RPRD2: variants seen among roughly 807,000 people sequenced by gnomAD.
The protein encoded by RPRD2 is regulation of nuclear pre-mRNA domain containing 2.
In RPRD2, 12 loss-of-function variants were observed where a neutral mutation model predicts 104.4. That is an observed-to-expected ratio of 0.11 (90% CI 0.07 to 0.19). RPRD2 has a LOEUF of 0.19. Ranked by LOEUF, RPRD2 falls within the 10% of genes least tolerant of loss-of-function variation. RPRD2 has a pLI of 1.00. For synonymous variants in RPRD2, 714 were observed against 684.9 expected, an observed-to-expected ratio of 1.04 and a Z score of -0.66; for missense variants, 1,543 against 1,790.1, an observed-to-expected ratio of 0.86 and a Z score of 2.49.
intron 1 of RPRD2, among the ~76,000 whole-genome samples, chr1:150,417,012 A>G (rs1352634787): frequency 6.6e-6 from 1 of 152,188 alleles, no homozygotes; most frequent in African/African-American, 2.4e-5. Flanking sequence ...GGGAAGACTA[A>G]GACGTATCTG....
At chr1:150,428,857 A>G (rs1553891033) in intron 2 of RPRD2, among the ~76,000 whole-genome samples, 1 of 152,120 alleles carries the variant, frequency 6.6e-6, no homozygotes, top group African/African-American at 2.4e-5. Context: ...CCTTTAAAAT[A>G]ATTTGCTAGT....
chr1:150,402,091 T>C (rs587609992), intron 1 of RPRD2, among the ~76,000 whole-genome samples: 2 of 152,144 alleles, frequency 1.3e-5, no homozygotes, highest in East Asian at 3.9e-4. Flanking sequence ...CCCGAGTGGC[T>C]GGGATTACAG....
At chr1:150,395,248 TATG>T (rs1294217273) in intron 1 of RPRD2, among the ~76,000 whole-genome samples, 4 of 152,184 alleles carry the variant, frequency 2.6e-5, no homozygotes, top group South Asian at 2.1e-4. Context: ...AGTGAGAACA[TATG>T]ATGTTTGGTT....
In RPRD2 at chr1:150,473,221, G is replaced by C. The variant is rs1474273314; in HGVS notation, c.4273G>C (p.Glu1425Gln). 1 of 1,613,982 alleles carries C rather than the reference G, an allele frequency of 6.2e-7. No homozygotes were observed. The highest frequency in any genetic ancestry group is 8.5e-7 in the Non-Finnish European group (1 of 1,179,878). Residue 1425 changes from glutamate to glutamine, a missense_variant, in exon 11 of 11, where the codon GAA (glutamate) becomes CAA (glutamine). By Grantham distance (29) the Glu-to-Gln change is conservative (BLOSUM62 2). Transcript: ENST00000369068. ...TCCCCGGCCAGACTTTCGGCCTAGG[G>C]AACCTTTTCTCAGCAGAGACCCATT... ...RSPRPDFRPR[E>Q]PFLSRDPFHS...
chr1:150,471,237 A>C lies in RPRD2; in HGVS notation c.2289A>C (p.Thr763=). The part of the protein sequence containing the change: ...LSKIISPGSS[T]PSSTRSPPPG... Reference sequence around the variant, plus strand: ...AGATCATTAGCCCTGGTTCCTCAACACCCAGCAGTACAAGATCACCACCCC... The same window carrying C: ...AGATCATTAGCCCTGGTTCCTCAACCCCCAGCAGTACAAGATCACCACCCC... Residue 763 remains threonine, a synonymous_variant, in exon 11 of 11, where the codon ACA becomes ACC. Transcript: ENST00000369068. The surrounding 1 kb of genome is among the most constrained non-coding windows in gnomAD (Gnocchi z 5.3). 1 of 1,613,740 alleles carries C rather than the reference A, an allele frequency of 6.2e-7. No homozygotes were observed. Among genetic ancestry groups the C allele is most frequent in the Non-Finnish European group, 8.5e-7 (1 of 1,179,830 alleles).
intron 1 of RPRD2, among the ~76,000 whole-genome samples, chr1:150,368,105 C>T (rs1363687774): frequency 1.3e-5 from 2 of 151,820 alleles, no homozygotes; most frequent in African/African-American, 4.8e-5. Context: ...TCTGCTCTGC[C>T]TACCTCGGGC....
chr1:150,450,145 T>G (rs1246754078), intron 7 of RPRD2, among the ~76,000 whole-genome samples: 1 of 152,202 alleles, frequency 6.6e-6, no homozygotes, highest in Non-Finnish European at 1.5e-5. Flanking sequence ...GTAAAATTTA[T>G]TCATCTTTTT....
intron 1 of RPRD2, among the ~76,000 whole-genome samples, chr1:150,407,290 T>C (rs587759851): frequency 6.6e-6 from 1 of 152,318 alleles, no homozygotes; most frequent in South Asian, 2.1e-4. Context: ...TCTGAATCCC[T>C]AAGCAAGAAA....
intron 1 of RPRD2, among the ~76,000 whole-genome samples, chr1:150,392,089 A>C (rs1468479696): frequency 6.7e-6 from 1 of 149,978 alleles, no homozygotes; most frequent in Non-Finnish European, 1.5e-5. Context: ...AGTCCCAGCT[A>C]CTCGGGAGAA....
At chr1:150,365,590 A>G (rs1659775137) in intron 1 of RPRD2, among the ~76,000 whole-genome samples, 1 of 151,986 alleles carries the variant, frequency 6.6e-6, no homozygotes, top group African/African-American at 2.4e-5. Flanking sequence ...AAGCGTGTCC[A>G]GTTCCTCTTT....
At chr1:150,386,202 G>C (rs1661554907) in intron 1 of RPRD2, among the ~76,000 whole-genome samples, 1 of 152,054 alleles carries the variant, frequency 6.6e-6, no homozygotes, top group Admixed American at 6.6e-5. Context: ...TCGAACTCCT[G>C]GGTTCTAGTG....
In RPRD2 at chr1:150,474,210, G is replaced by C. The variant is rs879881198; in HGVS notation, c.*876G>C. The C allele has an allele frequency of 4.6e-5, 7 of 152,108 alleles. No individual in the cohort carries two copies. Among genetic ancestry groups the C allele is most frequent in the Non-Finnish European group, 1.0e-4 (7 of 68,012 alleles). 9.4% of individuals were successfully genotyped at this position (152,108 alleles called of 1,614,324 possible). A position where few individuals can be genotyped will look rare whatever the true frequency, so the allele number is the denominator to read the frequency against. On this transcript the variant is annotated 3_prime_UTR_variant, in exon 11 of 11. Coordinates refer to ENST00000369068, the MANE Select transcript of RPRD2 (RefSeq NM_015203.5). ...AAGACAGTCACTACAGTTGACTATT[G>C]ATACAAAGGTGCAACAGAAATATTA...
At chr1:150,426,040 A>G (rs1233711943) in intron 2 of RPRD2, among the ~76,000 whole-genome samples, 21 of 152,132 alleles carry the variant, frequency 1.4e-4, no homozygotes, top group African/African-American at 5.1e-4. Context: ...GGTGAAGGCT[A>G]CAGTGAGCTG....
intron 1 of RPRD2, among the ~76,000 whole-genome samples, chr1:150,388,496 C>T (rs936582755): frequency 7.5e-5 from 7 of 93,892 alleles, no homozygotes; most frequent in African/African-American, 3.5e-5. Flanking sequence ...TATATACCCG[C>T]GCACACACAC....
chr1:150,394,204 C>T (rs1486998286), intron 1 of RPRD2, among the ~76,000 whole-genome samples: 1 of 151,990 alleles, frequency 6.6e-6, no homozygotes, highest in African/African-American at 2.4e-5. Flanking sequence ...GCATGCACCA[C>T]CACGCCTGGC....
intron 1 of RPRD2, among the ~76,000 whole-genome samples, chr1:150,369,048 C>G (rs1660066242): frequency 6.6e-6 from 1 of 152,198 alleles, no homozygotes; most frequent in South Asian, 2.1e-4. Flanking sequence ...GCCCTGTCCC[C>G]AAACAACTAG....
At chr1:150,469,095 G>T (rs1241145896) in intron 10 of RPRD2, among the ~76,000 whole-genome samples, 1 of 152,052 alleles carries the variant, frequency 6.6e-6, no homozygotes, top group Non-Finnish European at 1.5e-5. Flanking sequence ...GGATGGAGGG[G>T]ACTTGAAATT....
intron 2 of RPRD2, among the ~76,000 whole-genome samples, chr1:150,422,479 G>A (rs587767704): frequency 1.3e-5 from 2 of 151,726 alleles, no homozygotes; most frequent in East Asian, 1.9e-4. Flanking sequence ...AATTCAAGGG[G>A]GGCAAATGTC....
In RPRD2 at chr1:150,448,683, T is replaced by C. The variant is rs1560211538; in HGVS notation, c.870+2282T>C. The stretch of plus-strand genomic sequence containing the variant: ...CCTAGAGTTTTGTTTTCTCTTTTAT[T>C]GTTTGCCCTTGCATAGCCTTTCTAA... On this transcript the variant is annotated intron_variant, in intron 7 of 10. Coordinates refer to ENST00000369068, the MANE Select transcript of RPRD2 (RefSeq NM_015203.5). 2.0e-5 allele frequency among the ~76,000 whole-genome samples: 3 copies of C among 152,350 alleles called. No individual in the cohort carries two copies. The South Asian group carries it at 6.2e-4, about 32-fold the overall frequency.
Sources: gnomAD v4.1 joint callset for allele counts (sites outside exome capture counted in the v4.1 genomes callset) on GRCh38, gnomAD v4.1.1 for gene constraint, Gnocchi (gnomAD v3.1) non-coding constraint, MANE v1.5 for transcripts, NCBI Gene and HGNC (gene_info 2026-07-23, HGNC 2026-07-21) for gene names.